Variants in USP34 observed in about 807,000 individuals in gnomAD.
The protein encoded by USP34 is ubiquitin specific peptidase 34, also known as ubiquitin carboxyl-terminal hydrolase 34.
Under a neutral mutation model 460.3 loss-of-function variants are expected in USP34, and 70 were observed. That is an observed-to-expected ratio of 0.15 (90% CI 0.13 to 0.19). USP34 has a LOEUF of 0.19. Ranked by LOEUF, USP34 falls within the 10% of genes least tolerant of loss-of-function variation. The pLI, the probability that USP34 is intolerant of heterozygous loss-of-function variation, is 1.00. For synonymous variants in USP34, 1,647 were observed against 1,405.3 expected (o/e 1.17, Z -3.85); for missense variants, 3,985 against 4,236.2 (o/e 0.94, Z 1.65).
At chr2:61,464,005 A>C (rs1404622694) in intron 1 of USP34, among the ~76,000 whole-genome samples, 4 of 152,206 alleles carry the variant, frequency 2.6e-5, no homozygotes, top group African/African-American at 4.8e-5. Flanking sequence ...CAGCATGCAA[A>C]GCATGTAAAG....
chr2:61,343,002 T>C (rs1421760994), intron 16 of USP34, among the ~76,000 whole-genome samples: 1 of 152,092 alleles, frequency 6.6e-6, no homozygotes, highest in Non-Finnish European at 1.5e-5. Flanking sequence ...CCTAGACAGA[T>C]CATGTACAAA....
intron 27 of USP34, 25 bp from the exon 28 acceptor site, chr2:61,301,479 T>C: frequency 6.3e-7 from 1 of 1,594,890 alleles, no homozygotes; most frequent in Non-Finnish European, 8.6e-7. Flanking sequence ...AACATGGAAA[T>C]GAATTTGTTT....
chr2:61,398,852 G>C (rs1310755436), intron 3 of USP34, among the ~76,000 whole-genome samples: 2 of 152,164 alleles, frequency 1.3e-5, no homozygotes, highest in African/African-American at 2.4e-5. Context: ...CTCAAAGTAA[G>C]TGTTAAACCT....
rs141369026 is a variant in USP34, at chr2:61,301,578, G to A, written c.3818-124C>T. The A allele has an allele frequency of 4.8e-6, 4 of 827,458 alleles. No individual in the cohort carries two copies. In the African/African-American group the frequency reaches 6.9e-5, roughly 14 times the overall value. The allele number at this position is 827,458 out of a possible 1,614,324, so 51.3% of individuals were successfully genotyped here. The stretch of plus-strand genomic sequence containing the variant: ...AAGTTTAAATGTAATCTAAGGTAAA[G>A]ACAGAAAACTCAGTAGATTGAGGAT... On this transcript the variant is annotated intron_variant, in intron 27 of 79. Coordinates refer to ENST00000398571, the MANE Select transcript of USP34 (RefSeq NM_014709.4).
At position 61,347,948 on chromosome 2, in the gene USP34, T is replaced by C. The variant is rs1200292840; in HGVS notation, c.2207A>G (p.Asn736Ser). Residue 736 changes from asparagine (N) to serine (S), a missense_variant, in exon 15 of 80, where the codon AAT (asparagine) becomes AGT (serine). By Grantham distance (46) the Asn-to-Ser change is conservative. Around this residue, in one of 14 missense-constraint regions of USP34, gnomAD observed 716 missense variants for 626.2 expected, o/e 1.14. Coordinates refer to ENST00000398571, the MANE Select transcript of USP34 (RefSeq NM_014709.4). The stretch of plus-strand genomic sequence containing the variant: ...AAATTGTCGACAATTAAATAATTCA[T>C]TCCCAATAGTCTCCCCAAGGAAGTC... The part of the protein sequence containing the change: ...TGDFLGETIG[N>S]ELFNCRQFIG... 1.1e-5 allele frequency: 18 copies of C among 1,614,006 alleles called. No individual in the cohort carries two copies. Among genetic ancestry groups the C allele is most frequent in the Non-Finnish European group, 1.5e-5 (18 of 1,180,040 alleles).
intron 1 of USP34, among the ~76,000 whole-genome samples, chr2:61,447,276 A>C (rs1226993967): frequency 3.3e-5 from 5 of 150,336 alleles, no homozygotes; most frequent in Middle Eastern, 3.4e-3. Flanking sequence ...AAAAAAAAAA[A>C]AAAAAACCAG....
intron 8 of USP34, among the ~76,000 whole-genome samples, chr2:61,370,866 C>G (rs143606212): frequency 6.6e-6 from 1 of 152,208 alleles, no homozygotes; most frequent in African/African-American, 2.4e-5. Flanking sequence ...TTATCCTACT[C>G]GAGGTCTTTG....
At chr2:61,389,413 T>C (rs1270191269) in intron 5 of USP34, among the ~76,000 whole-genome samples, 1 of 152,218 alleles carries the variant, frequency 6.6e-6, no homozygotes, top group Non-Finnish European at 1.5e-5. Flanking sequence ...CATAGTTATA[T>C]CTTTTATTTT....
intron 70 of USP34, chr2:61,208,684 G>T: frequency 3.3e-6 from 1 of 305,486 alleles, no homozygotes; most frequent in South Asian, 1.4e-4. Context: ...AAAATAATGG[G>T]AAAAGTATGG....
Position 61,442,038 on chromosome 2 carries a change from C to G in USP34, c.44-21205G>C, listed in dbSNP as rs774158260. Among the ~76,000 whole-genome samples, 21 of 152,098 alleles carry G rather than the reference C, an allele frequency of 1.4e-4. No homozygotes were observed. The South Asian group carries it at 1.7e-3, about 12-fold the overall frequency. On this transcript the variant is annotated intron_variant, in intron 1 of 79. Coordinates refer to ENST00000398571, the MANE Select transcript of USP34 (RefSeq NM_014709.4). The stretch of plus-strand genomic sequence containing the variant: ...GTTCACTGGGGAAAGGACAGTCTCT[C>G]CAATGAATGGTGCTAGGAAAACTGG...
chr2:61,468,829 T>C (rs1695862000), intron 1 of USP34, among the ~76,000 whole-genome samples: 1 of 152,238 alleles, frequency 6.6e-6, no homozygotes, highest in Non-Finnish European at 1.5e-5. Context: ...AGACCTTTCA[T>C]TATGATCAAG....
At chr2:61,470,040 A>C (rs1695901548) in intron 1 of USP34, among the ~76,000 whole-genome samples, 1 of 152,230 alleles carries the variant, frequency 6.6e-6, no homozygotes, top group South Asian at 2.1e-4. Flanking sequence ...TACACTAAGA[A>C]ACATCATTAA....
At chr2:61,227,043 C>G in intron 62 of USP34, 24 bp downstream of exon 62, 1 of 1,573,626 alleles carries the variant, frequency 6.4e-7, no homozygotes, top group East Asian at 2.3e-5. Flanking sequence ...ATGCTTTAAA[C>G]ATTTTAAATT....
intron 34 of USP34, among the ~76,000 whole-genome samples, chr2:61,288,160 A>G (rs1429732906): frequency 6.6e-6 from 1 of 152,190 alleles, no homozygotes; most frequent in Non-Finnish European, 1.5e-5. Flanking sequence ...TGAGCATAAG[A>G]GCGTAACTGC....
intron 41 of USP34, among the ~76,000 whole-genome samples, chr2:61,274,218 G>A (rs962429297): frequency 5.3e-5 from 8 of 151,540 alleles, no homozygotes; most frequent in African/African-American, 1.7e-4. Flanking sequence ...GGCGAAATCC[G>A]GTCTCCACTA....
At chr2:61,390,864 A>G (rs1207933940) in intron 5 of USP34, among the ~76,000 whole-genome samples, 1 of 151,990 alleles carries the variant, frequency 6.6e-6, no homozygotes, top group Non-Finnish European at 1.5e-5. Flanking sequence ...TGGGAGGCTG[A>G]GGTGGGGGCA....
At chr2:61,285,401 C>A (rs959644867) in intron 34 of USP34, among the ~76,000 whole-genome samples, 1 of 149,204 alleles carries the variant, frequency 6.7e-6, no homozygotes, top group African/African-American at 2.5e-5. Flanking sequence ...AAGGGAGGAA[C>A]ACCTGAGTCT....
intron 29 of USP34, among the ~76,000 whole-genome samples, chr2:61,299,995 T>G (rs1006614200): frequency 2.0e-5 from 3 of 152,140 alleles, no homozygotes. Flanking sequence ...TCCCTACTCC[T>G]AAAACCCAAA....
intron 34 of USP34, among the ~76,000 whole-genome samples, chr2:61,285,829 C>T (rs1048248496): frequency 6.6e-6 from 1 of 152,132 alleles, no homozygotes; most frequent in African/African-American, 2.4e-5. Flanking sequence ...CAGCTTCAGG[C>T]TACATGATCC....
Sources: gnomAD v4.1 joint callset for allele counts (sites outside exome capture counted in the v4.1 genomes callset) on GRCh38, gnomAD v4.1.1 for gene constraint, gnomAD v4.1.1 regional missense constraint, MANE v1.5 for transcripts, NCBI Gene and HGNC (gene_info 2026-07-23, HGNC 2026-07-21) for gene names.